The following QTGAL variants were observed in gnomAD, a reference collection of about 807,000 sequenced individuals.
QTGAL encodes queuosine-tRNA galactosyltransferase.
chr17:82,957,112 G>A, the QTGAL span: 32 of 1,592,540 alleles, frequency 2.0e-5, no homozygotes, highest in South Asian at 2.6e-4. Flanking sequence ...GGGAAGGCTC[G>A]GAGCAGCTGT....
chr17:82,970,603 GGCCGC>G, the QTGAL span, among the ~76,000 whole-genome samples: 8 of 143,342 alleles, frequency 5.6e-5, no homozygotes, highest in African/African-American at 1.7e-4. Flanking sequence ...CACCCGGCGT[GGCCGC>G]GACCTCCCCA....
the QTGAL span, among the ~76,000 whole-genome samples, chr17:82,972,622 T>C: frequency 0.016 from 1,148 of 70,480 alleles, 65 homozygotes; most frequent in African/African-American, 0.082. Context: ...CACCACACCA[T>C]GGGCCAGAAG....
the QTGAL span, among the ~76,000 whole-genome samples, chr17:83,035,488 GA>G: frequency 6.6e-6 from 1 of 152,248 alleles, no homozygotes; most frequent in East Asian, 1.9e-4. Context: ...TGTTCTATAA[GA>G]AAGCTAGGAA....
the QTGAL span, among the ~76,000 whole-genome samples, chr17:83,010,065 G>A: frequency 7.8e-6 from 1 of 128,018 alleles, no homozygotes; most frequent in African/African-American, 2.9e-5. Context: ...GGGGCTGTGG[G>A]GGCCCCTGGT....
the QTGAL span, chr17:83,006,296 G>A: frequency 6.1e-5 from 60 of 985,524 alleles, no homozygotes; most frequent in Non-Finnish European, 6.6e-5. The surrounding 1 kb of genome is among the most constrained non-coding windows in gnomAD (Gnocchi z 5.8). Context: ...GCGTTTACGC[G>A]TAGTGAGTGA....
chr17:83,013,760 C>T, the QTGAL span, among the ~76,000 whole-genome samples: 1 of 152,122 alleles, frequency 6.6e-6, no homozygotes, highest in Non-Finnish European at 1.5e-5. Context: ...GCCCGGGGGA[C>T]GGACACTGTG....
At chr17:83,035,083 A>G in the QTGAL span, 28 of 1,612,434 alleles carry the variant, frequency 1.7e-5, no homozygotes, top group Non-Finnish European at 2.4e-5. Flanking sequence ...CAACTGCTTG[A>G]TTTTTAGCGT....
the QTGAL span, among the ~76,000 whole-genome samples, chr17:82,956,064 T>C: frequency 5.9e-5 from 9 of 152,120 alleles, no homozygotes; most frequent in African/African-American, 2.2e-4. This position sits in a 1 kb window ranked among gnomAD's most constrained non-coding sequence, Gnocchi z 5.7. Context: ...GCTTAAAACC[T>C]ACATGGCGGG....
At chr17:83,010,321 C>T in the QTGAL span, among the ~76,000 whole-genome samples, 1 of 152,170 alleles carries the variant, frequency 6.6e-6, no homozygotes, top group African/African-American at 2.4e-5. Context: ...CCTGACAGCC[C>T]GAACTACAGC....
the QTGAL span, among the ~76,000 whole-genome samples, chr17:83,022,272 G>A: frequency 6.7e-6 from 1 of 149,250 alleles, no homozygotes; most frequent in Non-Finnish European, 1.5e-5. Flanking sequence ...CATGAGCTTA[G>A]CACTGTCCCC....
chr17:82,997,491 C>G, the QTGAL span, among the ~76,000 whole-genome samples: 1 of 152,100 alleles, frequency 6.6e-6, no homozygotes, highest in Non-Finnish European at 1.5e-5. Flanking sequence ...CCTCAAAAAA[C>G]TAAAAATAGA....
At chr17:82,956,285 G>A in the QTGAL span, among the ~76,000 whole-genome samples, 4 of 152,206 alleles carry the variant, frequency 2.6e-5, no homozygotes, top group African/African-American at 4.8e-5. This position sits in a 1 kb window ranked among gnomAD's most constrained non-coding sequence, Gnocchi z 5.7. Context: ...GGCAAGGGTC[G>A]TTCACACTCA....
chr17:83,006,297 TAGTG>T, the QTGAL span: 1 of 985,500 alleles, frequency 1.0e-6, no homozygotes, highest in Non-Finnish European at 1.2e-6. This position sits in a 1 kb window ranked among gnomAD's most constrained non-coding sequence, Gnocchi z 5.8. Flanking sequence ...CGTTTACGCG[TAGTG>T]AGTGATTCTT....
the QTGAL span, among the ~76,000 whole-genome samples, chr17:83,022,082 T>C: frequency 6.6e-6 from 1 of 152,120 alleles, no homozygotes; most frequent in African/African-American, 2.4e-5. Context: ...AAGATAAAAA[T>C]AGAAGACATC....
chr17:82,984,355 A>T, the QTGAL span, among the ~76,000 whole-genome samples: 1 of 17,374 alleles, frequency 5.8e-5, no homozygotes, highest in Non-Finnish European at 1.1e-4. Context: ...GAGGCCACAG[A>T]AGGACGCAGG....
At chr17:83,027,699 C>CAA in the QTGAL span, among the ~76,000 whole-genome samples, 654 of 30,532 alleles carry the variant, frequency 0.021, 19 homozygotes, top group Middle Eastern at 0.1. Context: ...GAGACGCTCT[C>CAA]AAAAAAAAAA....
chr17:83,002,021 C>G, the QTGAL span, among the ~76,000 whole-genome samples: 1 of 150,926 alleles, frequency 6.6e-6, no homozygotes, highest in African/African-American at 2.4e-5. Flanking sequence ...TTCAGCCTCT[C>G]AAAGTGCTGG....
At chr17:82,999,039 T>C in the QTGAL span, among the ~76,000 whole-genome samples, 1 of 152,092 alleles carries the variant, frequency 6.6e-6, no homozygotes, top group Non-Finnish European at 1.5e-5. Flanking sequence ...CTTGAGAATG[T>C]AAAATGGTGC....
chr17:82,983,816 C>T, the QTGAL span, among the ~76,000 whole-genome samples: 1 of 152,212 alleles, frequency 6.6e-6, no homozygotes. Flanking sequence ...GGTTGAAGCC[C>T]TAACTCCCAA....
Sources: gnomAD v4.1 joint callset for allele counts (sites outside exome capture counted in the v4.1 genomes callset) on GRCh38, gnomAD v4.1.1 for gene constraint, Gnocchi (gnomAD v3.1) non-coding constraint, MANE v1.5 for transcripts, NCBI Gene and HGNC (gene_info 2026-07-23, HGNC 2026-07-21) for gene names.